SLIT2: variants seen among roughly 807,000 people sequenced by gnomAD.
The protein encoded by SLIT2 is slit guidance ligand 2, also known as slit homolog 2 protein.
SLIT2 carries 41 observed loss-of-function variants against 185.7 expected under a neutral mutation model. The observed-to-expected ratio is 0.22, with a 90% CI of 0.17 to 0.29. The LOEUF is 0.29. Among genes scored for constraint, SLIT2 ranks in the 10% least tolerant of loss-of-function variants. The probability of loss-of-function intolerance (pLI) is 1.00; values close to 1 mark genes in which losing one functional copy is unlikely to be tolerated. For synonymous variants in SLIT2, 693 were observed against 680.2 expected, an observed-to-expected ratio of 1.02 and a Z score of -0.29; for missense variants, 1,571 against 1,909.0, an observed-to-expected ratio of 0.82 and a Z score of 3.30.
intron 4 of SLIT2, among the ~76,000 whole-genome samples, chr4:20,293,498 G>A (rs1291549749): frequency 6.6e-6 from 1 of 152,282 alleles, no homozygotes; most frequent in African/African-American, 2.4e-5. Flanking sequence ...AATGAGAGCT[G>A]GTTCCCTCAG....
intron 30 of SLIT2, among the ~76,000 whole-genome samples, chr4:20,594,038 ATG>A (rs1236162202): frequency 6.7e-6 from 1 of 149,070 alleles, no homozygotes; most frequent in African/African-American, 2.5e-5. Context: ...ATGTGTATAT[ATG>A]TACATATGTA....
chr4:20,362,545 TA>T (rs1722821866), intron 4 of SLIT2, among the ~76,000 whole-genome samples: 1 of 151,918 alleles, frequency 6.6e-6, no homozygotes, highest in African/African-American at 2.4e-5. Flanking sequence ...ATATAAACAT[TA>T]ATTTTATATT....
chr4:20,470,572 T>TTTTTG (rs1213445530), intron 5 of SLIT2, among the ~76,000 whole-genome samples: 7 of 151,326 alleles, frequency 4.6e-5, no homozygotes, highest in African/African-American at 9.7e-5. Context: ...CAGTTTGTTT[T>TTTTTG]TTTTGTTTTG....
intron 29 of SLIT2, among the ~76,000 whole-genome samples, chr4:20,589,315 GA>G (rs1197042196): frequency 1.3e-5 from 2 of 151,744 alleles, no homozygotes; most frequent in Non-Finnish European, 2.9e-5. Flanking sequence ...TATATATCAA[GA>G]AAAAAAATCC....
intron 29 of SLIT2, among the ~76,000 whole-genome samples, chr4:20,575,824 T>A (rs1463499418): frequency 6.6e-6 from 1 of 152,066 alleles, no homozygotes; most frequent in East Asian, 1.9e-4. Flanking sequence ...AATGAATGCC[T>A]GTACAATTAA....
intron 4 of SLIT2, among the ~76,000 whole-genome samples, chr4:20,296,337 A>G (rs1235898759): frequency 6.6e-6 from 1 of 152,208 alleles, no homozygotes; most frequent in East Asian, 1.9e-4. Flanking sequence ...AGTTTTAAAA[A>G]TGTAATTTTT....
At chr4:20,404,618 C>T (rs1313933439) in intron 4 of SLIT2, among the ~76,000 whole-genome samples, 1 of 151,930 alleles carries the variant, frequency 6.6e-6, no homozygotes, top group African/African-American at 2.4e-5. Context: ...AAAAAGTTCA[C>T]CAACGAATGA....
intron 4 of SLIT2, among the ~76,000 whole-genome samples, chr4:20,346,135 A>G (rs1466757316): frequency 6.6e-6 from 1 of 152,100 alleles, no homozygotes; most frequent in Non-Finnish European, 1.5e-5. Context: ...TGGAACGACA[A>G]GCACGCACCA....
chr4:20,333,153 T>C lies in SLIT2; in HGVS notation c.395+64272T>C, dbSNP rs556156644. On this transcript the variant is annotated intron_variant, in intron 4 of 36. Coordinates refer to ENST00000504154, the MANE Select transcript of SLIT2 (RefSeq NM_004787.4). ...TTGGAGGAGAATACCCTTATACATA[T>C]TGAAATGAAAGCCGTTAAGCTTTAT... 3.3e-5 allele frequency among the ~76,000 whole-genome samples: 5 copies of C among 152,258 alleles called. No individual in the cohort carries two copies. The East Asian group carries it at 9.7e-4, about 29-fold the overall frequency.
chr4:20,544,031 G>A (rs1397345203), intron 21 of SLIT2, among the ~76,000 whole-genome samples: 1 of 151,960 alleles, frequency 6.6e-6, no homozygotes, highest in Admixed American at 6.6e-5. Flanking sequence ...TCTTGGTGTG[G>A]GGGGATGGGG....
At chr4:20,342,107 A>C (rs1721005827) in intron 4 of SLIT2, among the ~76,000 whole-genome samples, 1 of 152,198 alleles carries the variant, frequency 6.6e-6, no homozygotes, top group Non-Finnish European at 1.5e-5. Context: ...AGATTAGGAC[A>C]TAATTTTTAG....
intron 4 of SLIT2, among the ~76,000 whole-genome samples, chr4:20,390,850 G>T (rs61789402): frequency 0.076 from 11,351 of 150,176 alleles, 577 homozygotes; most frequent in South Asian, 0.17. Context: ...TTACTTCATT[G>T]TAAATTACTG....
Position 20,472,591 on chromosome 4 carries a change from T to TATATATAG in SLIT2, c.467+4774_467+4775insAGATATAT, listed in dbSNP as rs1715610191. The stretch of plus-strand genomic sequence containing the variant: ...ATATATAGATATATCTATATATAGA[T>TATATATAG]ATATATCTATAGATATATCTATATA... On this transcript the variant is annotated intron_variant, in intron 5 of 36. Transcript: ENST00000504154. Among the ~76,000 whole-genome samples, 78 of 14,982 alleles carry TATATATAG rather than the reference T, an allele frequency of 5.2e-3. 31 individuals carry two copies. The highest frequency in any genetic ancestry group is 6.5e-3 in the Non-Finnish European group (62 of 9,600). 9.8% of individuals were successfully genotyped at this position (14,982 alleles called of 152,430 possible). A position where few individuals can be genotyped will look rare whatever the true frequency, so the allele number is the denominator to read the frequency against.
intron 3 of SLIT2, among the ~76,000 whole-genome samples, chr4:20,267,644 G>A (rs927797656): frequency 6.6e-6 from 1 of 151,780 alleles, no homozygotes; most frequent in Non-Finnish European, 1.5e-5. Flanking sequence ...TCTTAGAAAG[G>A]TCTTCTGTAT....
At chr4:20,351,194 T>C (rs1721844654) in intron 4 of SLIT2, among the ~76,000 whole-genome samples, 2 of 151,768 alleles carry the variant, frequency 1.3e-5, no homozygotes, top group Admixed American at 1.3e-4. Flanking sequence ...GATTTCAGGC[T>C]CCCACCAACA....
chr4:20,495,972 A>G (rs1184273915), intron 9 of SLIT2, among the ~76,000 whole-genome samples: 3 of 152,152 alleles, frequency 2.0e-5, no homozygotes, highest in Non-Finnish European at 2.9e-5. Flanking sequence ...TGAAAATTAT[A>G]AACTCTCCCC....
At chr4:20,349,774 C>T (rs1242851060) in intron 4 of SLIT2, among the ~76,000 whole-genome samples, 2 of 152,142 alleles carry the variant, frequency 1.3e-5, no homozygotes, top group East Asian at 3.9e-4. Flanking sequence ...GGGTTCAGTT[C>T]TGATAAGAGA....
intron 11 of SLIT2, among the ~76,000 whole-genome samples, chr4:20,513,864 AG>A (rs1379743819): frequency 6.6e-6 from 1 of 152,182 alleles, no homozygotes; most frequent in Non-Finnish European, 1.5e-5. Context: ...GGAACGGTTA[AG>A]TACTAAGGAC....
chr4:20,412,321 A>T (rs1051750558), intron 4 of SLIT2, among the ~76,000 whole-genome samples: 3 of 152,330 alleles, frequency 2.0e-5, no homozygotes, highest in African/African-American at 4.8e-5. Flanking sequence ...GCTGAATAAA[A>T]TGCAATATTT....
Sources: gnomAD v4.1 joint callset for allele counts (sites outside exome capture counted in the v4.1 genomes callset) on GRCh38, gnomAD v4.1.1 for gene constraint, MANE v1.5 for transcripts, NCBI Gene and HGNC (gene_info 2026-07-23, HGNC 2026-07-21) for gene names.